CEP70: variants seen among roughly 807,000 people sequenced by gnomAD.
CEP70 encodes the protein centrosomal protein of 70 kDa.
In CEP70, 70 loss-of-function variants were observed where a neutral mutation model predicts 90.9. The ratio of observed to expected loss-of-function variants is 0.77; its 90% CI spans 0.64 to 0.94. The LOEUF (loss-of-function observed/expected upper bound fraction) is 0.94. Ranked by LOEUF, CEP70 falls within the 40% of genes least tolerant of loss-of-function variation. The pLI is 0.00. For missense variants in CEP70, 648 were observed against 669.0 expected (o/e 0.97, Z 0.35); for synonymous variants, 220 against 228.3 (o/e 0.96, Z 0.33).
intron 7 of CEP70, among the ~76,000 whole-genome samples, chr3:138,534,277 T>TA (rs1331707776): frequency 6.6e-6 from 1 of 152,198 alleles, no homozygotes; most frequent in Non-Finnish European, 1.5e-5. Context: ...CACAACTTTC[T>TA]AGATTACTCT....
intron 6 of CEP70, among the ~76,000 whole-genome samples, chr3:138,559,986 T>C (rs967490380): frequency 1.3e-5 from 2 of 152,228 alleles, no homozygotes; most frequent in African/African-American, 2.4e-5. Flanking sequence ...AGAATTCTCA[T>C]ACATTGGTCA....
At chr3:138,521,552 G>C (rs963355344) in intron 11 of CEP70, among the ~76,000 whole-genome samples, 2 of 151,668 alleles carry the variant, frequency 1.3e-5, no homozygotes, top group Non-Finnish European at 2.9e-5. Context: ...TCTGGGATGT[G>C]AGGAGCGCCT....
intron 6 of CEP70, among the ~76,000 whole-genome samples, chr3:138,563,208 T>G (rs2040536802): frequency 6.6e-6 from 1 of 152,178 alleles, no homozygotes; most frequent in African/African-American, 2.4e-5. Context: ...GTAAAGTTCT[T>G]AGAGACCTAC....
intron 6 of CEP70, among the ~76,000 whole-genome samples, chr3:138,570,044 G>A (rs573476249): frequency 2.0e-5 from 3 of 152,134 alleles, no homozygotes; most frequent in African/African-American, 7.2e-5. Flanking sequence ...ATGTAAGAAA[G>A]AGAAAAGATC....
intron 6 of CEP70, among the ~76,000 whole-genome samples, chr3:138,554,984 G>C (rs2039892999): frequency 6.6e-6 from 1 of 152,180 alleles, no homozygotes; most frequent in Non-Finnish European, 1.5e-5. Flanking sequence ...GCCAGACACA[G>C]TGGTTCATGC....
chr3:138,520,882 C>T (rs184554837), intron 11 of CEP70, among the ~76,000 whole-genome samples: 4 of 152,150 alleles, frequency 2.6e-5, no homozygotes, highest in Middle Eastern at 3.2e-3. Context: ...TGTACTGCCG[C>T]GATCTCGGCT....
intron 2 of CEP70, among the ~76,000 whole-genome samples, chr3:138,590,823 T>TAA (rs149845657): frequency 2.1e-5 from 3 of 142,644 alleles, no homozygotes; most frequent in African/African-American, 7.7e-5. Flanking sequence ...AAATAAATAA[T>TAA]AAAAAAAAAA....
intron 6 of CEP70, among the ~76,000 whole-genome samples, chr3:138,547,018 A>AT (rs2039260434): frequency 6.6e-6 from 1 of 151,718 alleles, no homozygotes; most frequent in Non-Finnish European, 1.5e-5. Flanking sequence ...ATGAAATGAA[A>AT]TGAAATTGAA....
intron 11 of CEP70, among the ~76,000 whole-genome samples, chr3:138,514,957 C>T (rs2035868280): frequency 6.6e-6 from 1 of 152,040 alleles, no homozygotes; most frequent in African/African-American, 2.4e-5. Flanking sequence ...ATCATTTCTT[C>T]AAAATTTAGC....
At chr3:138,590,155 T>C (rs551326868) in intron 2 of CEP70, among the ~76,000 whole-genome samples, 8 of 152,234 alleles carry the variant, frequency 5.3e-5, no homozygotes, top group African/African-American at 1.4e-4. Context: ...TCAGTAATCA[T>C]ATTGATGGTG....
rs930576710 is a variant in CEP70, at chr3:138,494,737, A to C, written c.*278T>G. On this transcript the variant is annotated 3_prime_UTR_variant, in exon 18 of 18. Transcript: ENST00000264982. ...CTCCCTGGGCTCCTCTTTTACTCAC[A>C]AACTCCACTCTAAAACAACCTTAAA... 8.5e-6 allele frequency: 2 copies of C among 235,266 alleles called. No individual in the cohort carries two copies. The highest frequency in any genetic ancestry group is 2.3e-5 in the African/African-American group (1 of 43,034). The allele number at this position is 235,266 out of a possible 1,614,324, so 14.6% of individuals were successfully genotyped here. A position where few individuals can be genotyped will look rare whatever the true frequency, so the allele number is the denominator to read the frequency against.
Position 138,559,413 on chromosome 3 carries a change from G to A in CEP70, c.465+10905C>T, listed in dbSNP as rs146702687. Among the ~76,000 whole-genome samples the A allele has an allele frequency of 5.7e-3, 868 of 152,224 alleles. 7 individuals are homozygous for A. Among genetic ancestry groups the A allele is most frequent in the African/African-American group, 0.02 (827 of 41,542 alleles). On this transcript the variant is annotated intron_variant, in intron 6 of 17. Transcript: ENST00000264982. ...AGGAAGATAAATCAAAAGAAAACTC[G>A]CCTAGGCACAAAGTAAAAATGCTTT...
intron 6 of CEP70, among the ~76,000 whole-genome samples, chr3:138,540,861 G>C (rs2038702118): frequency 6.6e-6 from 1 of 152,150 alleles, no homozygotes. Context: ...ATCAATGGTA[G>C]ACTGGATAAA....
intron 11 of CEP70, among the ~76,000 whole-genome samples, chr3:138,511,729 G>A (rs2035558586): frequency 6.6e-6 from 1 of 152,194 alleles, no homozygotes; most frequent in African/African-American, 2.4e-5. Flanking sequence ...AGTAGGTACT[G>A]AGAGCCTTCT....
chr3:138,575,744 G>C (rs1297727165), intron 2 of CEP70, among the ~76,000 whole-genome samples: 3 of 152,316 alleles, frequency 2.0e-5, no homozygotes, highest in Middle Eastern at 3.4e-3. Context: ...CAGACTAACA[G>C]CAGATCTCTT....
At chr3:138,542,635 C>T (rs1318227212) in intron 6 of CEP70, among the ~76,000 whole-genome samples, 5 of 152,196 alleles carry the variant, frequency 3.3e-5, no homozygotes, top group Non-Finnish European at 7.3e-5. Flanking sequence ...GACAGCACCT[C>T]TGGCTCAGAA....
At chr3:138,572,814 G>A (rs1408332080) in intron 3 of CEP70, 45 bp downstream of exon 3, 1 of 1,201,756 alleles carries the variant, frequency 8.3e-7, no homozygotes, top group East Asian at 2.3e-5. Context: ...AGCATTCTTT[G>A]GCACATATTT....
chr3:138,551,476 T>A (rs1417325180), intron 6 of CEP70, among the ~76,000 whole-genome samples: 1 of 152,112 alleles, frequency 6.6e-6, no homozygotes, highest in Admixed American at 6.5e-5. Context: ...CTGGGTGCAG[T>A]GGTTCATGCC....
Position 138,568,996 on chromosome 3 carries a change from A to C in CEP70, c.465+1322T>G, listed in dbSNP as rs571336846. On this transcript the variant is annotated intron_variant, in intron 6 of 17. Transcript: ENST00000264982. ...GAGACTCTGTCTAAAAAAACAAACA[A>C]AAAAAAAACACAAAAAAAAACAAAG... Among the ~76,000 whole-genome samples, 718 of 147,330 alleles carry C rather than the reference A, an allele frequency of 4.9e-3. 4 individuals are homozygous for C. The highest frequency in any genetic ancestry group is 0.017 in the African/African-American group (691 of 40,210).
Sources: gnomAD v4.1 joint callset for allele counts (sites outside exome capture counted in the v4.1 genomes callset) on GRCh38, gnomAD v4.1.1 for gene constraint, MANE v1.5 for transcripts, NCBI Gene and HGNC (gene_info 2026-07-23, HGNC 2026-07-21) for gene names.